The following EPB41L2 variants were observed in gnomAD, a reference collection of about 807,000 sequenced individuals.
EPB41L2 encodes band 4.1-like protein 2.
A neutral mutation model predicts 113.0 loss-of-function variants in EPB41L2; 43 were observed. The ratio of observed to expected loss-of-function variants is 0.38; its 90% CI spans 0.30 to 0.49. The LOEUF is 0.49. Ranked by LOEUF, EPB41L2 falls within the 20% of genes least tolerant of loss-of-function variation. The pLI is 0.95. For synonymous variants in EPB41L2, 442 were observed against 436.7 expected (o/e 1.01, Z -0.15); for missense variants, 1,147 against 1,223.4 (o/e 0.94, Z 0.93).
At chr6:130,875,773 CA>C (rs1787341076) in intron 14 of EPB41L2, among the ~76,000 whole-genome samples, 1 of 151,998 alleles carries the variant, frequency 6.6e-6, no homozygotes, top group South Asian at 2.1e-4. Flanking sequence ...CCAAGAAGGG[CA>C]AATCACGTGG....
chr6:131,015,201 A>G (rs908775284), intron 1 of EPB41L2: 3 of 152,220 alleles, frequency 2.0e-5, no homozygotes, highest in Non-Finnish European at 1.5e-5. Flanking sequence ...GCATCATCAA[A>G]GTACATCTGT....
At chr6:130,858,921 G>A (rs1781127796) in intron 18 of EPB41L2, among the ~76,000 whole-genome samples, 1 of 152,240 alleles carries the variant, frequency 6.6e-6, no homozygotes, top group Non-Finnish European at 1.5e-5. Context: ...CTATTTGACA[G>A]TTGACAAAAC....
chr6:130,918,284 G>A (rs763404877), intron 4 of EPB41L2, among the ~76,000 whole-genome samples: 5 of 152,220 alleles, frequency 3.3e-5, no homozygotes, highest in East Asian at 3.9e-4. Context: ...AAAGTTAGCC[G>A]TGAATATCAA....
Position 130,955,156 on chromosome 6 carries a change from G to T in EPB41L2, c.654C>A (p.Val218=). ...CATCTAAGAGGGTCACTTTACACTG[G>T]ACAGTTTTGGTCTTCTTGGTGACTT... ...SQKVTKKTKT[V]QCKVTLLDGT... The change falls in exon 3 of 20, where the codon GTC becomes GTA. Residue 218 remains valine (V), a synonymous_variant. Coordinates refer to ENST00000337057, the MANE Select transcript of EPB41L2 (RefSeq NM_001431.4). 1 of 1,614,130 alleles carries T rather than the reference G, an allele frequency of 6.2e-7. No individual in the cohort carries two copies. The highest frequency in any genetic ancestry group is 8.5e-7 in the Non-Finnish European group (1 of 1,180,018).
chr6:131,011,211 C>T (rs1392291775), intron 1 of EPB41L2, among the ~76,000 whole-genome samples: 1 of 152,104 alleles, frequency 6.6e-6, no homozygotes, highest in Non-Finnish European at 1.5e-5. Context: ...AAGCCATATG[C>T]AAAGTAGCAT....
intron 1 of EPB41L2, among the ~76,000 whole-genome samples, chr6:130,960,049 G>A (rs1266604479): frequency 6.6e-6 from 1 of 152,170 alleles, no homozygotes; most frequent in African/African-American, 2.4e-5. Flanking sequence ...CTGACACAGT[G>A]CCCATAATCT....
At chr6:130,867,839 T>C in intron 15 of EPB41L2, 2 of 398,316 alleles carry the variant, frequency 5.0e-6, no homozygotes, top group South Asian at 4.7e-5. Context: ...TACATACACA[T>C]ATATGAAAAA....
intron 3 of EPB41L2, among the ~76,000 whole-genome samples, chr6:130,944,158 T>TACACAC (rs1392716079): frequency 4.0e-4 from 59 of 146,482 alleles, no homozygotes; most frequent in African/African-American, 1.3e-3. Context: ...TATATATACG[T>TACACAC]ACATACACAC....
intron 1 of EPB41L2, among the ~76,000 whole-genome samples, chr6:130,968,934 GA>G (rs1403771625): frequency 6.6e-6 from 1 of 152,050 alleles, no homozygotes; most frequent in Admixed American, 6.5e-5. Flanking sequence ...AATCATGCTG[GA>G]GAATATGTCA....
chr6:130,931,253 T>TAGTATATA (rs1806737343), intron 3 of EPB41L2, among the ~76,000 whole-genome samples: 1 of 152,200 alleles, frequency 6.6e-6, no homozygotes, highest in Admixed American at 6.5e-5. Flanking sequence ...GATTTTATTC[T>TAGTATATA]ACTAATTTAT....
At chr6:130,897,582 T>C (rs528957143) in intron 8 of EPB41L2, among the ~76,000 whole-genome samples, 2 of 152,352 alleles carry the variant, frequency 1.3e-5, no homozygotes, top group African/African-American at 4.8e-5. Flanking sequence ...AAAGTAGAGA[T>C]GCAAGATTTG....
chr6:130,857,606 T>C (rs1780688692), intron 19 of EPB41L2, among the ~76,000 whole-genome samples: 2 of 133,232 alleles, frequency 1.5e-5, no homozygotes, highest in Non-Finnish European at 1.5e-5. Context: ...TTGCCCAGGA[T>C]AGAGTTCAGT....
chr6:130,875,822 C>T (rs140171829), intron 14 of EPB41L2, among the ~76,000 whole-genome samples: 56 of 151,804 alleles, frequency 3.7e-4, no homozygotes, highest in African/African-American at 1.2e-3. Context: ...ATAGTGAAAC[C>T]CCGTCTCAAC....
intron 1 of EPB41L2, among the ~76,000 whole-genome samples, chr6:131,002,449 T>C (rs962504740): frequency 1.3e-5 from 2 of 152,096 alleles, no homozygotes; most frequent in African/African-American, 4.8e-5. Context: ...AAGTTAACAT[T>C]AATAAACAGG....
chr6:130,964,027 T>C (rs116803073), intron 1 of EPB41L2, among the ~76,000 whole-genome samples: 1 of 106,358 alleles, frequency 9.4e-6, no homozygotes, highest in Non-Finnish European at 1.8e-5. Flanking sequence ...TTTCTTTTCC[T>C]TTTTTTTTTT....
chr6:130,996,998 A>C (rs993447790), intron 1 of EPB41L2, among the ~76,000 whole-genome samples: 4 of 152,200 alleles, frequency 2.6e-5, no homozygotes, highest in African/African-American at 7.2e-5. Flanking sequence ...GTCCCAGCAA[A>C]GTTATAATAA....
chr6:130,924,940 G>T (rs1804147619), intron 4 of EPB41L2, among the ~76,000 whole-genome samples: 1 of 152,150 alleles, frequency 6.6e-6, no homozygotes, highest in African/African-American at 2.4e-5. Context: ...GGAATTCATA[G>T]AATAATGGGG....
intron 14 of EPB41L2, 51 bp from the exon 15 acceptor site, chr6:130,870,177 A>G: frequency 6.4e-7 from 1 of 1,558,802 alleles, no homozygotes; most frequent in Non-Finnish European, 8.7e-7. Flanking sequence ...GAATAAATAA[A>G]AACAACGGAA....
intron 1 of EPB41L2, among the ~76,000 whole-genome samples, chr6:130,992,622 T>G (rs914196876): frequency 2.7e-5 from 4 of 150,510 alleles, no homozygotes; most frequent in Non-Finnish European, 5.9e-5. Flanking sequence ...CTGCTGAAAT[T>G]ACCAATTCAA....
Sources: allele counts gnomAD v4.1 joint callset (sites outside exome capture counted in the v4.1 genomes callset), GRCh38; gene constraint gnomAD v4.1.1; transcripts MANE v1.5; gene names NCBI Gene and HGNC (gene_info 2026-07-23, HGNC 2026-07-21).